L3MBTL1: variants seen among roughly 807,000 people sequenced by gnomAD.
L3MBTL1 encodes lethal(3)malignant brain tumor-like protein 1.
In L3MBTL1, 75 loss-of-function variants were observed where a neutral mutation model predicts 105.3. The ratio of observed to expected loss-of-function variants is 0.71; its 90% CI spans 0.59 to 0.86. The LOEUF is 0.86. Ranked by LOEUF, L3MBTL1 falls within the 40% of genes least tolerant of loss-of-function variation. The pLI, the probability that L3MBTL1 is intolerant of heterozygous loss-of-function variation, is 0.00. For synonymous variants in L3MBTL1, 452 were observed against 436.2 expected, an observed-to-expected ratio of 1.04 and a Z score of -0.45; for missense variants, 1,069 against 1,126.4, an observed-to-expected ratio of 0.95 and a Z score of 0.73.
intron 11 of L3MBTL1, 173 bp from the exon 12 acceptor site, chr20:43,532,600 T>C (rs911854670): frequency 5.7e-5 from 37 of 650,300 alleles, no homozygotes; most frequent in Middle Eastern, 4.2e-4. Context: ...GCCTCAGGGC[T>C]CAGGTTATGA....
chr20:43,522,780 CTTTTTTT>C (rs541049478), intron 7 of L3MBTL1, among the ~76,000 whole-genome samples: 8 of 118,092 alleles, frequency 6.8e-5, no homozygotes, highest in South Asian at 6.0e-4. Flanking sequence ...CCAACGGTGT[CTTTTTTT>C]TTTTTTTTTT....
downstream of L3MBTL1, among the ~76,000 whole-genome samples, chr20:43,544,921 G>A (rs181820088): frequency 2.0e-5 from 3 of 151,828 alleles, no homozygotes; most frequent in East Asian, 1.9e-4. Context: ...AGCTGAGATC[G>A]TGCCACTGCA....
chr20:43,527,360 C>G (rs2019087376), intron 7 of L3MBTL1, among the ~76,000 whole-genome samples: 1 of 152,200 alleles, frequency 6.6e-6, no homozygotes. Context: ...GCAGCTCATG[C>G]TAATCTGGTC....
At position 43,514,596 on chromosome 20, in the gene L3MBTL1, G is replaced by A. The variant is rs762622136; in HGVS notation, c.361-39G>A. ...CGACTCCGAGATGGGTCAAGGACCC[G>A]TACGGGAGTCGCAATCCTCAGACCC... On this transcript the variant is annotated intron_variant, in intron 3 of 21. Transcript: ENST00000418998. 1.0e-5 allele frequency: 16 copies of A among 1,599,134 alleles called. No individual in the cohort carries two copies. The East Asian group carries it at 2.7e-4, about 27-fold the overall frequency.
At chr20:43,514,805 C>G (rs1199223398) in intron 4 of L3MBTL1, 29 bp downstream of exon 4, 1 of 1,525,656 alleles carries the variant, frequency 6.6e-7, no homozygotes, top group East Asian at 2.5e-5. Context: ...AGGCCCTGAG[C>G]TGGGCCCTGT....
intron 7 of L3MBTL1, chr20:43,523,306 C>A (rs779843590): frequency 5.7e-5 from 12 of 211,910 alleles, no homozygotes; most frequent in Non-Finnish European, 9.2e-5. Context: ...AAACTGGTAC[C>A]TGCAATTAAA....
At chr20:43,526,118 G>C (rs1206975587) in intron 7 of L3MBTL1, among the ~76,000 whole-genome samples, 1 of 152,164 alleles carries the variant, frequency 6.6e-6, no homozygotes, top group Non-Finnish European at 1.5e-5. Flanking sequence ...TCTGGAGTAT[G>C]GGTAAAGGGA....
intron 7 of L3MBTL1, among the ~76,000 whole-genome samples, chr20:43,522,215 C>T (rs908705445): frequency 3.3e-5 from 5 of 152,062 alleles, no homozygotes; most frequent in South Asian, 4.2e-4. Context: ...ATTAGCCAGG[C>T]GTGGTGGCGT....
chr20:43,539,981 T>C, intron 19 of L3MBTL1, 170 bp from the exon 20 acceptor site: 1 of 712,974 alleles, frequency 1.4e-6, no homozygotes, highest in Non-Finnish European at 2.5e-6. Context: ...GAACACTGTG[T>C]GAGGAGTCAG....
chr20:43,540,713 G>A, intron 20 of L3MBTL1, 40 bp from the exon 21 acceptor site: 1 of 1,605,916 alleles, frequency 6.2e-7, no homozygotes, highest in East Asian at 2.2e-5. Flanking sequence ...ACATGCCTAA[G>A]CTCTGTCCCC....
intron 7 of L3MBTL1, among the ~76,000 whole-genome samples, chr20:43,518,108 C>G (rs1005365720): frequency 6.6e-6 from 1 of 151,652 alleles, no homozygotes; most frequent in Non-Finnish European, 1.5e-5. Flanking sequence ...GCATACTACT[C>G]ACTGTCTCAA....
chr20:43,514,816 G>A (rs1265117640), intron 4 of L3MBTL1, 40 bp downstream of exon 4: 2 of 1,508,298 alleles, frequency 1.3e-6, no homozygotes, highest in Admixed American at 2.1e-5. Context: ...TGGGCCCTGT[G>A]CGGGTGGGGC....
At chr20:43,509,460 C>T (rs970229309) in intron 1 of L3MBTL1, among the ~76,000 whole-genome samples, 2 of 152,210 alleles carry the variant, frequency 1.3e-5, no homozygotes, top group African/African-American at 2.4e-5. Flanking sequence ...CTCCTGGGCT[C>T]AAGTGATCCT....
chr20:43,511,441 G>A (rs1170740623), intron 1 of L3MBTL1, among the ~76,000 whole-genome samples: 5 of 152,172 alleles, frequency 3.3e-5, no homozygotes, highest in Non-Finnish European at 7.3e-5. Flanking sequence ...TAATAGTAAT[G>A]AGACAGATAG....
Position 43,534,284 on chromosome 20 carries a change from C to T in L3MBTL1, c.1600C>T (p.Arg534Ter). 1.9e-6 allele frequency: 3 copies of T among 1,613,198 alleles called. No homozygotes were observed. The highest frequency in any genetic ancestry group is 2.5e-6 in the Non-Finnish European group (3 of 1,179,634). ...SAVPTWAFKV[R>*]PPHSFLVNMK... ...CTGAAGGCAGCTGTCCCCTCTGCAG[C>T]GACCCCCTCACAGCTTCCTGGTCAA... Residue 534 changes from arginine (R) to a stop codon, truncating the protein, a stop_gained and splice_region_variant, in exon 15 of 22, where the codon CGA becomes TGA. Transcript: ENST00000418998. LOFTEE classifies it high-confidence loss of function.
At position 43,530,385 on chromosome 20, in the gene L3MBTL1, C is replaced by T. The variant is rs1241134082; in HGVS notation, c.1158C>T (p.Phe386=). The stretch of plus-strand genomic sequence containing the variant: ...CTGACATTCACCCTGCTGGCTGGTT[C>T]GAGAAGACGGGCCACAAGCTGCAGC... ...NSPDIHPAGW[F]EKTGHKLQPP... is the part of the protein sequence containing the mutation. The change falls in exon 10 of 22, where the codon TTC becomes TTT. Residue 386 remains phenylalanine, a synonymous_variant. Transcript: ENST00000418998. 1.9e-6 allele frequency: 3 copies of T among 1,614,112 alleles called. No homozygotes were observed. The highest frequency in any genetic ancestry group is 1.1e-5 in the South Asian group (1 of 91,072).
intron 19 of L3MBTL1, chr20:43,538,939 G>C (rs143996433): frequency 6.6e-6 from 1 of 152,544 alleles, no homozygotes; most frequent in Non-Finnish European, 1.5e-5. Flanking sequence ...GAGATGCTGA[G>C]TGTGCCCCAG....
At chr20:43,523,593 C>T in intron 7 of L3MBTL1, 1 of 227,380 alleles carries the variant, frequency 4.4e-6, no homozygotes, top group Admixed American at 4.1e-5. Flanking sequence ...TCACCCTGTC[C>T]TGTGCAGACA....
intron 3 of L3MBTL1, 176 bp from the exon 4 acceptor site, chr20:43,514,459 A>G: frequency 6.6e-7 from 1 of 1,505,532 alleles, no homozygotes; most frequent in African/African-American, 1.4e-5. Flanking sequence ...TTGGGGGCGT[A>G]GCCTGGAGTG....
Sources: gnomAD v4.1 joint callset for allele counts (sites outside exome capture counted in the v4.1 genomes callset) on GRCh38, gnomAD v4.1.1 for gene constraint, MANE v1.5 for transcripts, NCBI Gene and HGNC (gene_info 2026-07-23, HGNC 2026-07-21) for gene names.